The following THSD7B variants were observed in gnomAD, a reference collection of about 807,000 sequenced individuals.
THSD7B encodes thrombospondin type-1 domain-containing protein 7B.
A neutral mutation model predicts 213.6 loss-of-function variants in THSD7B; 138 were observed. The observed-to-expected ratio is 0.65, with a 90% CI of 0.56 to 0.74. The LOEUF (loss-of-function observed/expected upper bound fraction) is 0.74. THSD7B is among the 30% of genes least tolerant of loss of function. The pLI is 0.00. For missense variants in THSD7B, 1,931 were observed against 1,991.5 expected (o/e 0.97, Z 0.58); for synonymous variants, 742 against 687.0 (o/e 1.08, Z -1.25).
In THSD7B at chr2:137,166,437, C is replaced by CA. The variant is rs1360686693; in HGVS notation, c.1526-4303dup. Reference sequence around the variant, plus strand: ...ATATGACATCCTTATCCTTTTCAGACATATACTAGAAAGGCAGAATTGCCC... The same window carrying CA: ...ATATGACATCCTTATCCTTTTCAGACAATATACTAGAAAGGCAGAATTGCCC... On this transcript the variant is annotated intron_variant, in intron 6 of 27. Transcript: ENST00000409968. 1.5e-4 allele frequency among the ~76,000 whole-genome samples: 23 copies of CA among 152,240 alleles called. No homozygotes were observed. In the East Asian group the frequency reaches 3.9e-3, roughly 26 times the overall value.
At chr2:137,059,847 A>AT (rs1687238681) in intron 3 of THSD7B, among the ~76,000 whole-genome samples, 1 of 152,104 alleles carries the variant, frequency 6.6e-6, no homozygotes, top group Admixed American at 6.6e-5. Context: ...TATGTGTGTA[A>AT]TTTTTTGTGA....
chr2:136,974,713 C>A (rs1685452325), intron 2 of THSD7B, among the ~76,000 whole-genome samples: 1 of 152,034 alleles, frequency 6.6e-6, no homozygotes, highest in Admixed American at 6.6e-5. Flanking sequence ...AGTTTTATAC[C>A]CAGTAATGAG....
chr2:137,587,602 T>C (rs1028224651), intron 17 of THSD7B, among the ~76,000 whole-genome samples: 11 of 152,224 alleles, frequency 7.2e-5, no homozygotes, highest in African/African-American at 2.7e-4. Flanking sequence ...GGAGGTCCAC[T>C]CCAAACCCTG....
chr2:137,475,892 A>G (rs1688181459), intron 15 of THSD7B, among the ~76,000 whole-genome samples: 1 of 152,156 alleles, frequency 6.6e-6, no homozygotes, highest in Non-Finnish European at 1.5e-5. Context: ...AGAAATCTCC[A>G]TATCGTTTTC....
At chr2:137,055,921 T>TA (rs1225361535) in intron 2 of THSD7B, among the ~76,000 whole-genome samples, 1 of 152,208 alleles carries the variant, frequency 6.6e-6, no homozygotes, top group African/African-American at 2.4e-5. Context: ...CTGAGCTTCT[T>TA]AGAGTTTGAG....
intron 27 of THSD7B, among the ~76,000 whole-genome samples, chr2:137,668,278 A>G (rs1191479465): frequency 2.6e-5 from 4 of 152,170 alleles, no homozygotes; most frequent in Admixed American, 2.0e-4. Context: ...ACAGATAAGA[A>G]AATTACCATA....
chr2:137,582,705 T>C (rs1681608628), intron 17 of THSD7B, among the ~76,000 whole-genome samples: 2 of 152,278 alleles, frequency 1.3e-5, no homozygotes, highest in African/African-American at 4.8e-5. Context: ...TTCCATGGTG[T>C]ATATGTGCCA....
chr2:137,638,356 G>T (rs1433681271), intron 20 of THSD7B, among the ~76,000 whole-genome samples: 1 of 152,082 alleles, frequency 6.6e-6, no homozygotes, highest in Non-Finnish European at 1.5e-5. Context: ...AGGGGTTTCC[G>T]CTTTTGCTTA....
At chr2:136,834,880 A>G (rs772725414) in intron 1 of THSD7B, among the ~76,000 whole-genome samples, 2 of 152,202 alleles carry the variant, frequency 1.3e-5, no homozygotes, top group East Asian at 1.9e-4. Flanking sequence ...TTTAGGTAAC[A>G]ATAGAATGGT....
chr2:137,258,654 C>A (rs912778553), intron 10 of THSD7B, among the ~76,000 whole-genome samples: 1 of 151,878 alleles, frequency 6.6e-6, no homozygotes, highest in East Asian at 1.9e-4. Context: ...CACAGACACA[C>A]ATACCATGCT....
At chr2:137,134,240 C>T (rs1224139646) in intron 5 of THSD7B, among the ~76,000 whole-genome samples, 2 of 152,144 alleles carry the variant, frequency 1.3e-5, no homozygotes, top group Admixed American at 6.5e-5. Flanking sequence ...CTCTTACCCG[C>T]TGTTTCAGAG....
intron 5 of THSD7B, among the ~76,000 whole-genome samples, chr2:137,121,947 G>T (rs1237193245): frequency 6.6e-6 from 1 of 152,152 alleles, no homozygotes. Context: ...GTAGCTCTGA[G>T]AGCCCAGAAT....
rs188594549 is a variant in THSD7B at position 137,585,390 on chromosome 2, T to C, written c.3423+12834T>C. 7.2e-5 allele frequency among the ~76,000 whole-genome samples: 11 copies of C among 152,304 alleles called. No individual in the cohort carries two copies. The East Asian group carries it at 2.1e-3, about 29-fold the overall frequency. ...TTCTTGCCTTCTGCTAGCTTTTGAATGTGTTTGCTGTTGCTTCTCTAGTCT... is the reference window on the plus strand; with the variant it reads ...TTCTTGCCTTCTGCTAGCTTTTGAACGTGTTTGCTGTTGCTTCTCTAGTCT... On this transcript the variant is annotated intron_variant, in intron 17 of 27. Transcript: ENST00000409968.
Position 137,676,771 on chromosome 2 carries a change from AG to A in THSD7B, c.*168del. Reference sequence around the variant, plus strand: ...TCAACTTCATTTGGACATGGAGTCAAGGATTATTAGGTCTGCCATTTTGTTT... The same window carrying A: ...TCAACTTCATTTGGACATGGAGTCAAGATTATTAGGTCTGCCATTTTGTTT... On this transcript the variant is annotated 3_prime_UTR_variant, in exon 28 of 28. Transcript: ENST00000409968. 2 of 550,174 alleles carry A rather than the reference AG, an allele frequency of 3.6e-6. No individual in the cohort carries two copies. Among genetic ancestry groups the A allele is most frequent in the Admixed American group, 8.5e-5 (2 of 23,636 alleles). The allele number at this position is 550,174 out of a possible 1,614,324, so 34.1% of individuals were successfully genotyped here.
chr2:137,082,804 T>C (rs1472018983), intron 3 of THSD7B, among the ~76,000 whole-genome samples: 1 of 152,106 alleles, frequency 6.6e-6, no homozygotes, highest in East Asian at 1.9e-4. Context: ...ATAAAGTCTG[T>C]TTTATTCTGA....
intron 27 of THSD7B, among the ~76,000 whole-genome samples, chr2:137,671,788 G>A (rs979585793): frequency 6.6e-6 from 1 of 152,068 alleles, no homozygotes; most frequent in Non-Finnish European, 1.5e-5. Context: ...GGCACTTAGG[G>A]TACTGCCCCT....
chr2:137,207,063 C>T (rs1220449008), intron 7 of THSD7B, among the ~76,000 whole-genome samples: 2 of 151,906 alleles, frequency 1.3e-5, no homozygotes, highest in African/African-American at 4.8e-5. Flanking sequence ...GAAGAAAAGA[C>T]ATTTTCATAG....
At chr2:137,486,387 A>G (rs989973592) in intron 15 of THSD7B, among the ~76,000 whole-genome samples, 1 of 151,006 alleles carries the variant, frequency 6.6e-6, no homozygotes, top group African/African-American at 2.4e-5. Context: ...CAAAGATCAA[A>G]AGAGACAAAG....
intron 26 of THSD7B, 40 bp downstream of exon 26, chr2:137,663,615 T>C: frequency 1.3e-6 from 2 of 1,537,350 alleles, no homozygotes; most frequent in South Asian, 1.2e-5. Context: ...AATTTTCTCA[T>C]GGGAGGTCTA....
Sources: gnomAD v4.1 joint callset for allele counts (sites outside exome capture counted in the v4.1 genomes callset) on GRCh38, gnomAD v4.1.1 for gene constraint, MANE v1.5 for transcripts, NCBI Gene and HGNC (gene_info 2026-07-23, HGNC 2026-07-21) for gene names.